The following EGF variants were observed in gnomAD, a reference collection of about 807,000 sequenced individuals.
EGF encodes epidermal growth factor.
Under a neutral mutation model 143.8 loss-of-function variants are expected in EGF, and 95 were observed. The ratio of observed to expected loss-of-function variants is 0.66; its 90% CI spans 0.56 to 0.78. The LOEUF is 0.78. EGF is among the 30% of genes least tolerant of loss of function. EGF has a pLI of 0.00. For synonymous variants in EGF, 510 were observed against 510.5 expected (o/e 1.00, Z 0.01); for missense variants, 1,320 against 1,470.9 (o/e 0.90, Z 1.68).
At chr4:109,963,005 T>G (rs139550832) in intron 8 of EGF, among the ~76,000 whole-genome samples, 168 bp from the exon 9 acceptor site, 39 of 149,640 alleles carry the variant, frequency 2.6e-4, no homozygotes, top group African/African-American at 8.9e-4. Context: ...AGGCGGAGGT[T>G]GCAATGAGCC....
At chr4:109,998,853 A>G (rs927812030) in intron 20 of EGF, among the ~76,000 whole-genome samples, 2 of 152,270 alleles carry the variant, frequency 1.3e-5, no homozygotes, top group African/African-American at 4.8e-5. Context: ...AGTGGGCATT[A>G]CAGAGTGTTT....
intron 21 of EGF, among the ~76,000 whole-genome samples, chr4:110,000,916 G>C (rs1205923662): frequency 1.2e-4 from 18 of 152,182 alleles, no homozygotes; most frequent in Non-Finnish European, 1.5e-5. Flanking sequence ...TCTCTGAGAT[G>C]TACAAAATAT....
rs1381537144 is a variant in EGF, at chr4:110,011,759, G to GT, written c.*309dup. 1.5e-5 allele frequency: 6 copies of GT among 399,220 alleles called. No homozygotes were observed. Among genetic ancestry groups the GT allele is most frequent in the Admixed American group, 4.0e-5 (1 of 25,206 alleles). 24.7% of individuals were successfully genotyped at this position (399,220 alleles called of 1,614,324 possible). ...CAGCAGTCAATACAAATAGATTTTT[G>GT]TTTTTGTTGTTCCTGCAGCCCCAGA... On this transcript the variant is annotated 3_prime_UTR_variant, in exon 24 of 24. Coordinates refer to ENST00000265171, the MANE Select transcript of EGF (RefSeq NM_001963.6).
intron 5 of EGF, among the ~76,000 whole-genome samples, chr4:109,948,069 A>G (rs1368598680): frequency 6.6e-6 from 1 of 152,230 alleles, no homozygotes; most frequent in Admixed American, 6.5e-5. Flanking sequence ...TTCAAATAGG[A>G]TAACTGAAAG....
intron 1 of EGF, among the ~76,000 whole-genome samples, chr4:109,919,281 TTCTCTGTCTCTCTC>T (rs1560622803): frequency 2.6e-5 from 3 of 116,550 alleles, no homozygotes; most frequent in Non-Finnish European, 5.2e-5. Flanking sequence ...GAATGCATGC[TTCTCTGTCTCTCTC>T]TCTCTCTCTC....
intron 21 of EGF, among the ~76,000 whole-genome samples, chr4:110,000,687 C>T (rs1578394930): frequency 6.6e-6 from 1 of 152,334 alleles, no homozygotes; most frequent in Admixed American, 6.5e-5. Flanking sequence ...CAGGCACAGG[C>T]ATCACACTGC....
At chr4:109,993,488 C>A in intron 19 of EGF, 119 bp downstream of exon 19, 1 of 1,422,272 alleles carries the variant, frequency 7.0e-7, no homozygotes, top group Non-Finnish European at 9.6e-7. Flanking sequence ...GGCTGCAGAG[C>A]TGGCTTTCCT....
At chr4:109,949,719 G>A (rs1262780497) in intron 5 of EGF, among the ~76,000 whole-genome samples, 1 of 151,806 alleles carries the variant, frequency 6.6e-6, no homozygotes, top group East Asian at 1.9e-4. Context: ...AAACTACAGA[G>A]ATAATTGACT....
chr4:109,929,565 G>T (rs961601360), intron 1 of EGF, among the ~76,000 whole-genome samples: 3 of 152,146 alleles, frequency 2.0e-5, no homozygotes, highest in Non-Finnish European at 4.4e-5. Context: ...TTAATATCCT[G>T]AGGACCTGGA....
chr4:110,004,823 T>C lies in EGF; in HGVS notation c.3291+201T>C, dbSNP rs1753045662. 2.0e-5 allele frequency among the ~76,000 whole-genome samples: 3 copies of C among 152,092 alleles called. 1 individual carries two copies. Among genetic ancestry groups the C allele is most frequent in the Non-Finnish European group, 4.4e-5 (3 of 68,020 alleles). On this transcript the variant is annotated intron_variant, in intron 22 of 23. Coordinates refer to ENST00000265171, the MANE Select transcript of EGF (RefSeq NM_001963.6). ...TGTGTTGTTAACTAAAGGAATCAGATGAGTTATAATAATGCCATAATTTAA... is the reference window on the plus strand; with the variant it reads ...TGTGTTGTTAACTAAAGGAATCAGACGAGTTATAATAATGCCATAATTTAA...
chr4:109,995,559 T>C (rs1751689524), intron 20 of EGF, among the ~76,000 whole-genome samples: 1 of 152,232 alleles, frequency 6.6e-6, no homozygotes, highest in South Asian at 2.1e-4. Flanking sequence ...AAACCTTTCC[T>C]GTGGACCCTT....
intron 5 of EGF, among the ~76,000 whole-genome samples, chr4:109,952,946 G>T (rs756754727): frequency 3.9e-5 from 6 of 152,160 alleles, no homozygotes; most frequent in Non-Finnish European, 7.3e-5. Flanking sequence ...CTAACCTGAG[G>T]CTTTTTCTTG....
At chr4:109,969,311 G>A (rs1009880591) in intron 11 of EGF, among the ~76,000 whole-genome samples, 192 bp downstream of exon 11, 1 of 152,164 alleles carries the variant, frequency 6.6e-6, no homozygotes, top group Non-Finnish European at 1.5e-5. Flanking sequence ...ATCTGTGTGC[G>A]TGGGAGGATT....
chr4:109,983,159 C>T (rs1749637011), intron 15 of EGF, among the ~76,000 whole-genome samples: 1 of 152,030 alleles, frequency 6.6e-6, no homozygotes. Context: ...TTGTTTTTTG[C>T]CAGTACCTGA....
chr4:110,003,072 C>T (rs1337981243), intron 21 of EGF, among the ~76,000 whole-genome samples: 1 of 152,178 alleles, frequency 6.6e-6, no homozygotes, highest in Non-Finnish European at 1.5e-5. Flanking sequence ...CATTGATGGG[C>T]ATTTAGGTTG....
chr4:109,945,071 A>C lies in EGF; in HGVS notation c.738-2A>C, dbSNP rs763517791. On this transcript the variant is annotated splice_acceptor_variant, in intron 4 of 23. Transcript: ENST00000265171. LOFTEE classifies it high-confidence loss of function. Reference sequence around the variant, plus strand: ...CTTTTTTCTTTTGTGGTTGCTTTTTAGGCATAATTTGTTTGCAATGTCCCT... The same window carrying C: ...CTTTTTTCTTTTGTGGTTGCTTTTTCGGCATAATTTGTTTGCAATGTCCCT... The C allele has an allele frequency of 6.2e-7, 1 of 1,614,034 alleles. No individual in the cohort carries two copies. Among genetic ancestry groups the C allele is most frequent in the African/African-American group, 1.3e-5 (1 of 75,050 alleles).
chr4:109,957,419 A>G (rs1744970736), intron 5 of EGF, among the ~76,000 whole-genome samples: 1 of 152,224 alleles, frequency 6.6e-6, no homozygotes, highest in Non-Finnish European at 1.5e-5. Flanking sequence ...CACTATATAT[A>G]TCATGCTCAA....
chr4:109,961,436 A>G (rs1023999336), intron 7 of EGF, among the ~76,000 whole-genome samples: 1 of 152,166 alleles, frequency 6.6e-6, no homozygotes, highest in African/African-American at 2.4e-5. Flanking sequence ...TGGGAAACAA[A>G]TCATCTATAA....
chr4:109,971,979 C>G (rs1229419438), intron 11 of EGF, among the ~76,000 whole-genome samples: 2 of 151,844 alleles, frequency 1.3e-5, no homozygotes, highest in Admixed American at 1.3e-4. Flanking sequence ...AGTAAAGAAT[C>G]AAGAAGGTAA....
Sources: gnomAD v4.1 joint callset for allele counts (sites outside exome capture counted in the v4.1 genomes callset) on GRCh38, gnomAD v4.1.1 for gene constraint, MANE v1.5 for transcripts, NCBI Gene and HGNC (gene_info 2026-07-23, HGNC 2026-07-21) for gene names.